The following SAMD14 variants were observed in gnomAD, a reference collection of about 807,000 sequenced individuals.
SAMD14 encodes sterile alpha motif domain-containing protein 14.
In SAMD14, 27 loss-of-function variants were observed where a neutral mutation model predicts 46.2. That is an observed-to-expected ratio of 0.58 (90% CI 0.43 to 0.81). The LOEUF (loss-of-function observed/expected upper bound fraction) is 0.81. Ranked by LOEUF, SAMD14 falls within the 30% of genes least tolerant of loss-of-function variation. The pLI, the probability that SAMD14 is intolerant of heterozygous loss-of-function variation, is 0.00. For missense variants in SAMD14, 559 were observed against 582.2 expected, an observed-to-expected ratio of 0.96 and a Z score of 0.41; for synonymous variants, 241 against 254.3, an observed-to-expected ratio of 0.95 and a Z score of 0.50.
chr17:50,124,405 T>G (rs1048054588), intron 2 of SAMD14, among the ~76,000 whole-genome samples: 2 of 152,114 alleles, frequency 1.3e-5, no homozygotes, highest in African/African-American at 4.8e-5. Context: ...TTGCACTTAT[T>G]TATGTGACTT....
Position 50,114,280 on chromosome 17 carries a change from C to T in SAMD14, c.849G>A (p.Thr283=), listed in dbSNP as rs780147725. The T allele has an allele frequency of 2.4e-5, 38 of 1,613,840 alleles. No homozygotes were observed. The highest frequency in any genetic ancestry group is 1.1e-4 in the African/African-American group (8 of 74,886). ...GGATCTTGGGGCTGCTGCTGGGGGGCGTGGAGTCATCACTCAGAGTGGATT... is the reference window on the plus strand; with the variant it reads ...GGATCTTGGGGCTGCTGCTGGGGGGTGTGGAGTCATCACTCAGAGTGGATT... The part of the protein sequence containing the change: ...SQESTLSDDS[T]PPSSSPKIPS... The change falls in exon 8 of 10, where the codon ACG becomes ACA. Residue 283 remains threonine, a synonymous_variant. Transcript: ENST00000330175.
rs569980669 is a variant in SAMD14, at chr17:50,112,062, T to G, written c.*831A>C. ...TGTCCTCTGTCCCTATCAGTTCCTGTTTGCTCAGCTCCCAAAGAGGACTTA... is the reference window on the plus strand; with the variant it reads ...TGTCCTCTGTCCCTATCAGTTCCTGGTTGCTCAGCTCCCAAAGAGGACTTA... On this transcript the variant is annotated 3_prime_UTR_variant, in exon 10 of 10. Coordinates refer to ENST00000330175, the MANE Select transcript of SAMD14 (RefSeq NM_001257359.2). The G allele has an allele frequency of 2.6e-5, 4 of 152,274 alleles. No individual in the cohort carries two copies. Among genetic ancestry groups the G allele is most frequent in the African/African-American group, 9.6e-5 (4 of 41,510 alleles). The allele number at this position is 152,274 out of a possible 1,614,324, so 9.4% of individuals were successfully genotyped here.
intron 2 of SAMD14, among the ~76,000 whole-genome samples, chr17:50,120,215 CTGTT>C (rs1461283201): frequency 5.3e-5 from 8 of 152,148 alleles, no homozygotes; most frequent in East Asian, 1.9e-4. Context: ...AATTTTGAAT[CTGTT>C]TGAGATTTTC....
intron 2 of SAMD14, among the ~76,000 whole-genome samples, chr17:50,119,634 A>G (rs1911408061): frequency 1.3e-5 from 2 of 152,116 alleles, no homozygotes; most frequent in South Asian, 4.2e-4. Context: ...CAACTCATCA[A>G]AATGAACCGA....
At chr17:50,126,142 C>T (rs1430396766) in intron 1 of SAMD14, among the ~76,000 whole-genome samples, 1 of 152,110 alleles carries the variant, frequency 6.6e-6, no homozygotes, top group East Asian at 1.9e-4. Flanking sequence ...CCTCCAATTA[C>T]TTCTAACACT....
intron 1 of SAMD14, 131 bp from the exon 2 acceptor site, chr17:50,125,102 T>C (rs1911705399): frequency 4.0e-6 from 3 of 759,144 alleles, no homozygotes; most frequent in Non-Finnish European, 6.6e-6. Context: ...TTAGAACCCT[T>C]CTTCTGTCCC....
rs892956615 is a variant in SAMD14 at position 50,116,100 on chromosome 17, G to A, written c.500-10C>T. On this transcript the variant is annotated splice_polypyrimidine_tract_variant and intron_variant, in intron 4 of 9. Coordinates refer to ENST00000330175, the MANE Select transcript of SAMD14 (RefSeq NM_001257359.2). ...GCGTCACGGCTGTCATCTTTCCAGG[G>A]AGAGAAGGAAGGAAACTGCCTGTTT... The A allele has an allele frequency of 6.2e-7, 1 of 1,609,704 alleles. No individual in the cohort carries two copies. The highest frequency in any genetic ancestry group is 2.2e-5 in the East Asian group (1 of 44,772).
chr17:50,120,100 G>A (rs1025041211), intron 2 of SAMD14, among the ~76,000 whole-genome samples: 4 of 152,194 alleles, frequency 2.6e-5, no homozygotes, highest in African/African-American at 9.7e-5. Flanking sequence ...GGGGGAGGGC[G>A]TGGATGGGAT....
At chr17:50,126,015 G>T (rs1911751152) in intron 1 of SAMD14, among the ~76,000 whole-genome samples, 1 of 152,170 alleles carries the variant, frequency 6.6e-6, no homozygotes, top group Non-Finnish European at 1.5e-5. Context: ...GCAGATGTAG[G>T]ATTCCAGTAG....
Position 50,124,975 on chromosome 17 carries a change from G to A in SAMD14, c.-12-4C>T. The A allele has an allele frequency of 6.2e-7, 1 of 1,613,862 alleles. No homozygotes were observed. Among genetic ancestry groups the A allele is most frequent in the Non-Finnish European group, 8.5e-7 (1 of 1,179,858 alleles). On this transcript the variant is annotated splice_polypyrimidine_tract_variant and splice_region_variant and intron_variant, in intron 1 of 9. Transcript: ENST00000330175. ...AAGAAGCCATGACTCAAGAGAGCTG[G>A]GAAGGACAAGAGGGGAGAGAAAGAA...
rs1911018102 is a variant in SAMD14 at position 50,113,913 on chromosome 17, C to T, written c.1098+11G>A. ...ACTGGGCTGGGTCATGGCCCTTCCA[C>T]TCTGACCCACCTTTAGTTTGCTTCC... is the stretch of plus-strand genomic sequence containing the variant. On this transcript the variant is annotated intron_variant, in intron 9 of 9. Coordinates refer to ENST00000330175, the MANE Select transcript of SAMD14 (RefSeq NM_001257359.2). 2 of 1,613,610 alleles carry T rather than the reference C, an allele frequency of 1.2e-6. No individual in the cohort carries two copies. The highest frequency in any genetic ancestry group is 1.7e-5 in the Admixed American group (1 of 60,004).
Position 50,117,456 on chromosome 17 carries a change from G to A in SAMD14, c.450C>T (p.Ser150=). Residue 150 remains serine, a synonymous_variant, in exon 4 of 10, where the codon AGC becomes AGT. Coordinates refer to ENST00000330175, the MANE Select transcript of SAMD14 (RefSeq NM_001257359.2). ...GGTGGCGGCGCACGAAGCTGGGGGA[G>A]CTGTCGGAGGAGGGCGCGGAGCGCG... ...SPPRSAPSSD[S]SPSFVRRHPR... is the part of the protein sequence containing the mutation. The A allele has an allele frequency of 6.5e-6, 9 of 1,376,040 alleles. No individual in the cohort carries two copies. The highest frequency in any genetic ancestry group is 8.4e-6 in the Non-Finnish European group (9 of 1,072,282). The allele number at this position is 1,376,040 out of a possible 1,614,324, so 85.2% of individuals were successfully genotyped here.
At chr17:50,128,008 C>T (rs1050292426) in intron 1 of SAMD14, among the ~76,000 whole-genome samples, 3 of 152,282 alleles carry the variant, frequency 2.0e-5, no homozygotes, top group Admixed American at 6.5e-5. Flanking sequence ...TCATCTCCCC[C>T]CCACCAATCA....
chr17:50,124,320 G>T (rs1289682892), intron 2 of SAMD14, among the ~76,000 whole-genome samples: 2 of 152,092 alleles, frequency 1.3e-5, no homozygotes, highest in East Asian at 3.9e-4. Context: ...AGCATGAGGG[G>T]GCCAGCCTGG....
intron 1 of SAMD14, among the ~76,000 whole-genome samples, chr17:50,126,239 T>C (rs748757020): frequency 5.3e-5 from 8 of 152,198 alleles, no homozygotes; most frequent in Non-Finnish European, 1.0e-4. Context: ...TGCTGGGGTC[T>C]TTTCCAACTC....
intron 2 of SAMD14, among the ~76,000 whole-genome samples, chr17:50,122,685 G>A (rs1911557553): frequency 6.6e-6 from 1 of 152,148 alleles, no homozygotes; most frequent in Non-Finnish European, 1.5e-5. Flanking sequence ...GAAAAGACGG[G>A]GAGACTGGGA....
At chr17:50,120,625 C>G (rs559475391) in intron 2 of SAMD14, among the ~76,000 whole-genome samples, 63 of 152,184 alleles carry the variant, frequency 4.1e-4, no homozygotes, top group Non-Finnish European at 8.1e-4. Flanking sequence ...CAGTGGCCTT[C>G]CAGAGTCAGC....
In SAMD14 at chr17:50,116,071, A is replaced by G; in HGVS notation, c.519T>C (p.Ser173=). ...PHSEDDSRDA[S]PPEPASPTIG... ...TGGTGGGGCTGGCGGGCTCAGGAGG[A>G]CTGGCGTCACGGCTGTCATCTTTCC... The change falls in exon 5 of 10, where the codon AGT becomes AGC. Residue 173 remains serine, a synonymous_variant. Coordinates refer to ENST00000330175, the MANE Select transcript of SAMD14 (RefSeq NM_001257359.2). 2.5e-6 allele frequency: 4 copies of G among 1,613,764 alleles called. No individual in the cohort carries two copies. The highest frequency in any genetic ancestry group is 3.4e-6 in the Non-Finnish European group (4 of 1,179,808).
rs911505089 is a variant in SAMD14, at chr17:50,130,011, G to A, written c.-507C>T. 3.9e-5 allele frequency: 6 copies of A among 151,934 alleles called. No homozygotes were observed. The highest frequency in any genetic ancestry group is 5.9e-5 in the Non-Finnish European group (4 of 67,876). The allele number at this position is 151,934 out of a possible 1,614,324, so 9.4% of individuals were successfully genotyped here. Reference sequence around the variant, plus strand: ...GTCTCCGGGGAAGGGGCGTCGGGGTGGGGGGCGCGTGGCGGAGAAGCCGGG... The same window carrying A: ...GTCTCCGGGGAAGGGGCGTCGGGGTAGGGGGCGCGTGGCGGAGAAGCCGGG... On this transcript the variant is annotated 5_prime_UTR_variant, in exon 1 of 10. Transcript: ENST00000330175. This position sits in a 1 kb window ranked among gnomAD's most constrained non-coding sequence, Gnocchi z 4.1.
Sources: gnomAD v4.1 joint callset for allele counts (sites outside exome capture counted in the v4.1 genomes callset) on GRCh38, gnomAD v4.1.1 for gene constraint, Gnocchi (gnomAD v3.1) non-coding constraint, MANE v1.5 for transcripts, NCBI Gene and HGNC (gene_info 2026-07-23, HGNC 2026-07-21) for gene names.